The following CFAP61 variants were observed in gnomAD, a reference collection of about 807,000 sequenced individuals.
CFAP61 encodes the protein cilia- and flagella-associated protein 61.
In CFAP61, 107 loss-of-function variants were observed where a neutral mutation model predicts 135.6. The ratio of observed to expected loss-of-function variants is 0.79; its 90% confidence interval spans 0.67 to 0.93. CFAP61 has a LOEUF of 0.93. Among genes scored for constraint, CFAP61 ranks in the 40% least tolerant of loss-of-function variants. The pLI is 0.00. For synonymous variants in CFAP61, 575 were observed against 578.5 expected (o/e 0.99, Z 0.09); for missense variants, 1,507 against 1,556.2 (o/e 0.97, Z 0.53).
At chr20:20,117,893 T>A (rs528217439) in intron 8 of CFAP61, among the ~76,000 whole-genome samples, 1 of 152,326 alleles carries the variant, frequency 6.6e-6, no homozygotes, top group East Asian at 1.9e-4. Flanking sequence ...TTCAGATTGT[T>A]TACTGTTGGT....
At chr20:20,296,320 T>TTCCTTCCTTCCTTCCC (rs2055551876) in intron 24 of CFAP61, among the ~76,000 whole-genome samples, 1 of 54,682 alleles carries the variant, frequency 1.8e-5, no homozygotes, top group Non-Finnish European at 3.1e-5. Context: ...CCTTCCCTCC[T>TTCCTTCCTTCCTTCCC]TCCTTCCCTT....
At chr20:20,193,508 G>A (rs2056067111) in intron 15 of CFAP61, among the ~76,000 whole-genome samples, 1 of 150,682 alleles carries the variant, frequency 6.6e-6, no homozygotes, top group Non-Finnish European at 1.5e-5. Context: ...GATGGTGTTG[G>A]GTAGTAAGGT....
intron 12 of CFAP61, among the ~76,000 whole-genome samples, chr20:20,167,442 CT>C (rs1287929672): frequency 6.6e-6 from 1 of 152,142 alleles, no homozygotes; most frequent in Non-Finnish European, 1.5e-5. Context: ...TAATTATTTT[CT>C]ACTTTAACGT....
Position 20,285,244 on chromosome 20 carries a change from G to A in CFAP61, c.2797-3365G>A, listed in dbSNP as rs1447396018. Among the ~76,000 whole-genome samples the A allele has an allele frequency of 6.0e-5, 9 of 149,196 alleles. No individual in the cohort carries two copies. In the East Asian group the frequency reaches 1.8e-3, roughly 29 times the overall value. ...TGGTTTTTAGCAATTTGATGCTGTG[G>A]GTATTCTGTGTTTATTATGTCTCTA... On this transcript the variant is annotated intron_variant, in intron 22 of 26. Coordinates refer to ENST00000245957, the MANE Select transcript of CFAP61 (RefSeq NM_015585.4).
chr20:20,078,392 T>C (rs1329599989), intron 6 of CFAP61, among the ~76,000 whole-genome samples: 5 of 152,156 alleles, frequency 3.3e-5, no homozygotes, highest in African/African-American at 4.8e-5. Context: ...GAGTAGCGCT[T>C]GGCTACCAGT....
At chr20:20,056,927 G>C in intron 2 of CFAP61, 131 bp downstream of exon 2, 1 of 735,548 alleles carries the variant, frequency 1.4e-6, no homozygotes, top group South Asian at 1.7e-5. Context: ...AGACCAGCCT[G>C]GCCGACATGG....
chr20:20,168,781 C>T (rs1335295949), intron 12 of CFAP61, among the ~76,000 whole-genome samples: 1 of 152,190 alleles, frequency 6.6e-6, no homozygotes, highest in Non-Finnish European at 1.5e-5. Context: ...AACCCACTGC[C>T]TGGGTTTAAT....
chr20:20,335,020 G>A (rs2058128900), intron 25 of CFAP61, among the ~76,000 whole-genome samples: 2 of 152,194 alleles, frequency 1.3e-5, no homozygotes, highest in South Asian at 4.1e-4. Flanking sequence ...TTCATGAGTA[G>A]AATAAAATGA....
chr20:20,077,214 C>T (rs2046115770), intron 6 of CFAP61, among the ~76,000 whole-genome samples: 2 of 152,140 alleles, frequency 1.3e-5, no homozygotes, highest in Non-Finnish European at 2.9e-5. Context: ...GTGGTACATC[C>T]ATACAGTGGA....
intron 21 of CFAP61, among the ~76,000 whole-genome samples, chr20:20,272,787 C>T (rs76438737): frequency 1.3e-5 from 2 of 152,180 alleles, no homozygotes; most frequent in Non-Finnish European, 2.9e-5. Flanking sequence ...TGTGTCTCTG[C>T]CCCCCTTTCT....
At chr20:20,306,311 C>T (rs1480811417) in intron 25 of CFAP61, among the ~76,000 whole-genome samples, 1 of 152,160 alleles carries the variant, frequency 6.6e-6, no homozygotes, top group Admixed American at 6.5e-5. Flanking sequence ...GAAGTATGAA[C>T]TTTGAAACAT....
chr20:20,234,305 C>A (rs1473334453), intron 18 of CFAP61, among the ~76,000 whole-genome samples: 1 of 152,172 alleles, frequency 6.6e-6, no homozygotes, highest in East Asian at 1.9e-4. Context: ...GCAGGTGGGT[C>A]AGGGTGAGGT....
At chr20:20,322,810 TG>T in intron 25 of CFAP61, 5 of 985,426 alleles carry the variant, frequency 5.1e-6, no homozygotes, top group Non-Finnish European at 6.0e-6. Context: ...GTTATTAATA[TG>T]GTAGGAAAGT....
At chr20:20,337,292 AGATG>A (rs1190187686) in intron 25 of CFAP61, among the ~76,000 whole-genome samples, 104 of 6,804 alleles carry the variant, frequency 0.015, 2 homozygotes, top group African/African-American at 0.023. Flanking sequence ...ATGGATGGAT[AGATG>A]GATGGATGGA....
intron 25 of CFAP61, chr20:20,323,243 T>A (rs974336188): frequency 2.0e-6 from 2 of 985,420 alleles, no homozygotes. Context: ...ACTGGAGAAG[T>A]TATTCAGCCT....
chr20:20,297,917 T>G (rs2055764691), intron 24 of CFAP61, among the ~76,000 whole-genome samples: 2 of 152,218 alleles, frequency 1.3e-5, no homozygotes, highest in Admixed American at 1.3e-4. Context: ...AATAAAGGGT[T>G]GGTTGTAACC....
intron 25 of CFAP61, among the ~76,000 whole-genome samples, chr20:20,299,684 T>A (rs919031805): frequency 6.6e-6 from 1 of 152,226 alleles, no homozygotes; most frequent in East Asian, 1.9e-4. Context: ...TTTAGCACGG[T>A]GTTTGTGAGA....
At chr20:20,277,555 G>C in intron 22 of CFAP61, 97 bp downstream of exon 22, 5 of 1,308,216 alleles carry the variant, frequency 3.8e-6, no homozygotes, top group Non-Finnish European at 5.3e-6. Context: ...TGAATTTGTA[G>C]TACCAGATGT....
In CFAP61 at chr20:20,323,755, G is replaced by A. The variant is rs2057635372; in HGVS notation, c.3423-18076G>A. Among the ~76,000 whole-genome samples the A allele has an allele frequency of 2.6e-5, 4 of 152,146 alleles. No individual in the cohort carries two copies. In the South Asian group the frequency reaches 8.3e-4, roughly 32 times the overall value. Reference sequence around the variant, plus strand: ...AGCCCAACATGGGGGTTGTGGCGGGGGTATGAAATAAAGAATTGCAAAGAA... The same window carrying A: ...AGCCCAACATGGGGGTTGTGGCGGGAGTATGAAATAAAGAATTGCAAAGAA... On this transcript the variant is annotated intron_variant, in intron 25 of 26. Coordinates refer to ENST00000245957, the MANE Select transcript of CFAP61 (RefSeq NM_015585.4).
Sources: allele counts gnomAD v4.1 joint callset (sites outside exome capture counted in the v4.1 genomes callset), GRCh38; gene constraint gnomAD v4.1.1; transcripts MANE v1.5; gene names NCBI Gene and HGNC (gene_info 2026-07-23, HGNC 2026-07-21).